The following MAD1L1 variants were observed in gnomAD, a reference collection of about 807,000 sequenced individuals.
The protein encoded by MAD1L1 is mitotic arrest deficient 1 like 1.
In MAD1L1, 95 loss-of-function variants were observed where a neutral mutation model predicts 96.9. The observed-to-expected ratio is 0.98, with a 90% CI of 0.83 to 1.16. MAD1L1 has a LOEUF of 1.16. Among genes scored for constraint, MAD1L1 ranks in the 50% most tolerant of loss-of-function variants. MAD1L1 has a pLI of 0.00. For synonymous variants in MAD1L1, 473 were observed against 396.6 expected, an observed-to-expected ratio of 1.19 and a Z score of -2.29; for missense variants, 1,007 against 954.4, an observed-to-expected ratio of 1.06 and a Z score of -0.73.
At chr7:2,067,070 G>A (rs1784908064) in intron 12 of MAD1L1, among the ~76,000 whole-genome samples, 1 of 152,196 alleles carries the variant, frequency 6.6e-6, no homozygotes, top group South Asian at 2.1e-4. Context: ...TGGCCGGTGT[G>A]GGCCGATGTC....
chr7:2,034,870 G>T (rs1245953175), intron 12 of MAD1L1, among the ~76,000 whole-genome samples: 1 of 152,188 alleles, frequency 6.6e-6, no homozygotes, highest in African/African-American at 2.4e-5. Context: ...TATACTTTTT[G>T]ATCAGTCCCC....
chr7:2,105,472 G>A (rs1347053380), intron 11 of MAD1L1, among the ~76,000 whole-genome samples: 1 of 152,116 alleles, frequency 6.6e-6, no homozygotes, highest in Non-Finnish European at 1.5e-5. Context: ...CCTGCGCTGG[G>A]GCAAGGCAGG....
intron 16 of MAD1L1, among the ~76,000 whole-genome samples, chr7:1,950,311 C>CGTCT (rs1168387866): frequency 7.5e-6 from 1 of 133,084 alleles, no homozygotes; most frequent in Non-Finnish European, 1.7e-5. Flanking sequence ...TCACACCATC[C>CGTCT]GTCTGTCCGT....
At chr7:2,175,148 CG>C (rs1356856409) in intron 10 of MAD1L1, 6 of 152,280 alleles carry the variant, frequency 3.9e-5, no homozygotes, top group African/African-American at 1.4e-4. Context: ...CACCCCGTCC[CG>C]AAAAGCGCCA....
chr7:1,835,815 G>T (rs562121319), intron 18 of MAD1L1, among the ~76,000 whole-genome samples: 1 of 152,336 alleles, frequency 6.6e-6, no homozygotes, highest in African/African-American at 2.4e-5. Flanking sequence ...ATATGCTAAT[G>T]AAGGGGTGGA....
At chr7:1,992,814 G>A (rs1031470871) in intron 14 of MAD1L1, among the ~76,000 whole-genome samples, 3 of 152,242 alleles carry the variant, frequency 2.0e-5, no homozygotes, top group Non-Finnish European at 2.9e-5. Flanking sequence ...TGGGCTCTAC[G>A]TCAGGGAGGC....
chr7:1,887,326 T>C (rs1047489916), intron 18 of MAD1L1, among the ~76,000 whole-genome samples: 1 of 151,418 alleles, frequency 6.6e-6, no homozygotes, highest in Non-Finnish European at 1.5e-5. Context: ...TGCATGCGCA[T>C]GCGTGGCTGC....
At position 1,936,749 on chromosome 7, in the gene MAD1L1, C is replaced by T. The variant is rs1029822066; in HGVS notation, c.1745G>A (p.Gly582Asp). 1 of 1,567,516 alleles carries T rather than the reference C, an allele frequency of 6.4e-7. No homozygotes were observed. The highest frequency in any genetic ancestry group is 8.6e-7 in the Non-Finnish European group (1 of 1,157,622). The change falls in exon 17 of 19, where the codon GGC (glycine) becomes GAC (aspartate). Residue 582 changes from glycine to aspartate, a missense_variant. Transcript: ENST00000265854. ...AGCCTCAAGGTCGGCTGGGACGGTG[C>T]CTCCTCTCTCCATGGCGCGCAGGAG... ...RGLLRAMERG[G>D]TVPADLEAAA...
At chr7:1,883,816 T>C (rs1379070780) in intron 18 of MAD1L1, among the ~76,000 whole-genome samples, 1 of 152,140 alleles carries the variant, frequency 6.6e-6, no homozygotes, top group African/African-American at 2.4e-5. Flanking sequence ...TCAAACCAGA[T>C]GCCAACTCCC....
intron 10 of MAD1L1, among the ~76,000 whole-genome samples, chr7:2,162,497 C>A (rs1001780648): frequency 6.6e-6 from 1 of 151,994 alleles, no homozygotes; most frequent in Non-Finnish European, 1.5e-5. Context: ...GACCTTTGTT[C>A]ACGTGTTTAT....
Position 1,816,030 on chromosome 7 carries a change from C to T in MAD1L1, c.*40G>A, listed in dbSNP as rs1322975628. ...CGGGGCAGGGGACCTGCAGGTCAGG[C>T]CAAGCAGAGTGGCTCCGGCTATGCC... On this transcript the variant is annotated 3_prime_UTR_variant, in exon 19 of 19. Coordinates refer to ENST00000265854, the MANE Select transcript of MAD1L1 (RefSeq NM_001013836.2). 1.3e-6 allele frequency: 2 copies of T among 1,559,620 alleles called. No homozygotes were observed. Among genetic ancestry groups the T allele is most frequent in the Non-Finnish European group, 1.7e-6 (2 of 1,153,058 alleles).
chr7:2,161,175 TGCC>T (rs1790098560), intron 10 of MAD1L1, among the ~76,000 whole-genome samples: 1 of 18,682 alleles, frequency 5.4e-5, no homozygotes, highest in Non-Finnish European at 1.1e-4. Flanking sequence ...TGGACTGTAC[TGCC>T]GCCATCTCGA....
chr7:1,828,792 C>T (rs1156230595), intron 18 of MAD1L1, among the ~76,000 whole-genome samples: 1 of 152,176 alleles, frequency 6.6e-6, no homozygotes, highest in Non-Finnish European at 1.5e-5. Context: ...TGAAACAGAC[C>T]TAGGGCTGAC....
intron 6 of MAD1L1, 95 bp from the exon 7 acceptor site, chr7:2,218,138 T>C: frequency 1.1e-6 from 1 of 910,332 alleles, no homozygotes; most frequent in South Asian, 1.4e-5. Context: ...CAGACCCACA[T>C]ACGTTCATTC....
At chr7:1,855,746 T>A (rs777523061) in intron 18 of MAD1L1, among the ~76,000 whole-genome samples, 3 of 152,188 alleles carry the variant, frequency 2.0e-5, no homozygotes, top group Non-Finnish European at 4.4e-5. Context: ...TGGCCTGTTC[T>A]CGGCAACATC....
At chr7:2,222,252 G>A (rs929734451) in intron 5 of MAD1L1, among the ~76,000 whole-genome samples, 1 of 151,968 alleles carries the variant, frequency 6.6e-6, no homozygotes, top group Non-Finnish European at 1.5e-5. Context: ...GCTAATTTTT[G>A]TATTTTTAGT....
At chr7:1,821,656 C>T (rs752874424) in intron 18 of MAD1L1, among the ~76,000 whole-genome samples, 27 of 152,132 alleles carry the variant, frequency 1.8e-4, no homozygotes, top group Non-Finnish European at 3.7e-4. Flanking sequence ...CAATGTTATC[C>T]ACCCTATCAA....
intron 3 of MAD1L1, among the ~76,000 whole-genome samples, chr7:2,228,246 A>G (rs1794009819): frequency 6.6e-6 from 1 of 152,116 alleles, no homozygotes; most frequent in African/African-American, 2.4e-5. Context: ...AAGAGGTCCC[A>G]GACATTCGCA....
rs1195660612 is a variant in MAD1L1, at chr7:2,201,621, C to T, written c.986+11591G>A. On this transcript the variant is annotated intron_variant, in intron 10 of 18. Transcript: ENST00000265854. ...AAAAGAGACCTATAAGTAGAAGAGC[C>T]CTATCTACAAAGCTTGGAGAAAAGC... 3.3e-5 allele frequency among the ~76,000 whole-genome samples: 5 copies of T among 152,290 alleles called. No homozygotes were observed. In the East Asian group the frequency reaches 9.7e-4, roughly 29 times the overall value.
Sources: gnomAD v4.1 joint callset for allele counts (sites outside exome capture counted in the v4.1 genomes callset) on GRCh38, gnomAD v4.1.1 for gene constraint, MANE v1.5 for transcripts, NCBI Gene and HGNC (gene_info 2026-07-23, HGNC 2026-07-21) for gene names.